CARMIL3: variants seen among roughly 807,000 people sequenced by gnomAD.
The protein encoded by CARMIL3 is capping protein, Arp2/3 and myosin-I linker protein 3.
A neutral mutation model predicts 180.8 loss-of-function variants in CARMIL3; 88 were observed. The ratio of observed to expected loss-of-function variants is 0.49; its 90% confidence interval spans 0.41 to 0.58. CARMIL3 has a LOEUF of 0.58. Ranked by LOEUF, CARMIL3 falls within the 20% of genes least tolerant of loss-of-function variation. The probability of loss-of-function intolerance (pLI) is 0.00; values close to 1 mark genes in which losing one functional copy is unlikely to be tolerated. For missense variants in CARMIL3, 1,548 were observed against 1,787.0 expected (o/e 0.87, Z 2.41); for synonymous variants, 696 against 714.5 (o/e 0.97, Z 0.41).
intron 10 of CARMIL3, 48 bp from the exon 11 acceptor site, chr14:24,056,251 G>A: frequency 6.6e-7 from 1 of 1,503,890 alleles, no homozygotes; most frequent in South Asian, 1.2e-5. Flanking sequence ...CCAGAGGCTG[G>A]GACCTGGGGC....
rs868804115 is a variant in CARMIL3 at position 24,060,246 on chromosome 14, C to T, written c.2052C>T (p.Ser684=). The change falls in exon 24 of 40, where the codon AGC becomes AGT. Residue 684 remains serine (S), a synonymous_variant. Coordinates refer to ENST00000342740, the MANE Select transcript of CARMIL3 (RefSeq NM_138360.4). ...FRLQQGLVTS[S]AEQMLQRLCG... is the part of the protein sequence containing the mutation. ...TGCAGCAGGGCCTGGTGACCAGCAG[C>T]GCCGAGCAAGTAAACGTTTCCCTCT... is the stretch of plus-strand genomic sequence containing the variant. The T allele has an allele frequency of 1.3e-5, 21 of 1,614,006 alleles. No homozygotes were observed. Among genetic ancestry groups the T allele is most frequent in the East Asian group, 4.5e-5 (2 of 44,900 alleles).
intron 1 of CARMIL3, among the ~76,000 whole-genome samples, chr14:24,053,038 G>A (rs2035633983): frequency 1.3e-5 from 2 of 151,756 alleles, no homozygotes; most frequent in African/African-American, 2.4e-5. Context: ...TCTTCACAGA[G>A]ATGGCACCCC....
intron 28 of CARMIL3, 47 bp from the exon 29 acceptor site, chr14:24,062,662 A>T: frequency 6.2e-7 from 1 of 1,611,472 alleles, no homozygotes; most frequent in African/African-American, 1.3e-5. Context: ...AGGCCCTGGG[A>T]GGTGGGCAGC....
At chr14:24,057,113 G>T in intron 13 of CARMIL3, 54 bp from the exon 14 acceptor site, 4 of 1,598,042 alleles carry the variant, frequency 2.5e-6, no homozygotes, top group South Asian at 1.1e-5. Flanking sequence ...GCCTCTGGGG[G>T]TGGCGAGACT....
At chr14:24,069,105 CTG>C (rs1378908613) in intron 38 of CARMIL3, 30 bp from the exon 39 acceptor site, 1 of 1,612,268 alleles carries the variant, frequency 6.2e-7, no homozygotes, top group Admixed American at 1.7e-5. Context: ...AGCCCCACTC[CTG>C]TGTTAGGCCT....
At position 24,065,026 on chromosome 14, in the gene CARMIL3, A is replaced by G. The variant is rs1333265009; in HGVS notation, c.3149A>G (p.Lys1050Arg). The part of the protein sequence containing the change: ...SEAPLPPLQK[K>R]RRRGLFHFRR... ...GCACCGCTGCCTCCACTCCAGAAGA[A>G]GAGGCGCCGGGGCCTGTTTCACTTT... is the stretch of plus-strand genomic sequence containing the variant. Residue 1050 changes from lysine to arginine, a missense_variant, in exon 33 of 40, where the codon AAG (lysine) becomes AGG (arginine). By Grantham distance (26) the Lys-to-Arg change is conservative. Transcript: ENST00000342740. The G allele has an allele frequency of 6.2e-7, 1 of 1,611,622 alleles. No individual in the cohort carries two copies. The highest frequency in any genetic ancestry group is 2.2e-5 in the East Asian group (1 of 44,808).
chr14:24,062,169 AC>A (rs2035739110), intron 27 of CARMIL3: 1 of 473,882 alleles, frequency 2.1e-6, no homozygotes. Context: ...GTTACTCAGC[AC>A]CCCAATTACC....
chr14:24,061,183 C>T lies in CARMIL3; in HGVS notation c.2304+143C>T. 1 of 709,410 alleles carries T rather than the reference C, an allele frequency of 1.4e-6. No individual in the cohort carries two copies. The highest frequency in any genetic ancestry group is 2.7e-5 in the East Asian group (1 of 36,756). 43.9% of individuals were successfully genotyped at this position (709,410 alleles called of 1,614,324 possible). A position where few individuals can be genotyped will look rare whatever the true frequency, so the allele number is the denominator to read the frequency against. ...TGAGACCACCCACGCTCCCACTGTA[C>T]CAAGGCATTGCTGCAATATCAGGCT... On this transcript the variant is annotated intron_variant, in intron 26 of 39. Transcript: ENST00000342740. This position sits in a 1 kb window ranked among gnomAD's most constrained non-coding sequence, Gnocchi z 4.1.
In CARMIL3 at chr14:24,066,415, G is replaced by T. The variant is rs758444916; in HGVS notation, c.3543G>T (p.Gln1181His). The T allele has an allele frequency of 6.2e-7, 1 of 1,614,218 alleles. No individual in the cohort carries two copies. Among genetic ancestry groups the T allele is most frequent in the Non-Finnish European group, 8.5e-7 (1 of 1,180,032 alleles). ...DGKREGPGPD[Q>H]EGSTQAWQKR... The stretch of plus-strand genomic sequence containing the variant: ...TCTTTCAGGGCCCAGGCCCAGACCA[G>T]GAGGGCAGCACCCAGGCCTGGCAGA... Residue 1181 changes from glutamine (Q) to histidine (H), a missense_variant, in exon 35 of 40, where the codon CAG (glutamine) becomes CAT (histidine). Physicochemically the swap from Gln to His is conservative, Grantham distance 24 (BLOSUM62 0). Around this residue, in one of 4 missense-constraint regions of CARMIL3, gnomAD observed 668 missense variants for 687.8 expected, o/e 0.97. Coordinates refer to ENST00000342740, the MANE Select transcript of CARMIL3 (RefSeq NM_138360.4).
chr14:24,055,209 A>G, intron 7 of CARMIL3, 28 bp from the exon 8 acceptor site: 2 of 1,613,978 alleles, frequency 1.2e-6, no homozygotes, highest in Non-Finnish European at 1.7e-6. Context: ...AGTGGGGAGC[A>G]GGTGTGAGCC....
chr14:24,069,498 C>G lies in CARMIL3; in HGVS notation c.*94C>G. ...CAGTCCCCAGGGCCCCCTGCCAGCCCCTGTCCTACAGGGGCAAGACGGCAG... is the reference window on the plus strand; with the variant it reads ...CAGTCCCCAGGGCCCCCTGCCAGCCGCTGTCCTACAGGGGCAAGACGGCAG... On this transcript the variant is annotated 3_prime_UTR_variant, in exon 40 of 40. Transcript: ENST00000342740. The G allele has an allele frequency of 1.3e-6, 2 of 1,546,328 alleles. No individual in the cohort carries two copies.
Position 24,061,173 on chromosome 14 carries a change from TC to T in CARMIL3, c.2304+136del. ...CATGCAGAGTTGAGACCACCCACGC[TC>T]CCACTGTACCAAGGCATTGCTGCAA... On this transcript the variant is annotated intron_variant, in intron 26 of 39. Coordinates refer to ENST00000342740, the MANE Select transcript of CARMIL3 (RefSeq NM_138360.4). The surrounding 1 kb of genome is among the most constrained non-coding windows in gnomAD (Gnocchi z 4.1). The T allele has an allele frequency of 1.3e-6, 1 of 748,788 alleles. No homozygotes were observed. The highest frequency in any genetic ancestry group is 2.2e-6 in the Non-Finnish European group (1 of 456,382). The allele number at this position is 748,788 out of a possible 1,614,324, so 46.4% of individuals were successfully genotyped here. A position where few individuals can be genotyped will look rare whatever the true frequency, so the allele number is the denominator to read the frequency against.
At position 24,057,249 on chromosome 14, in the gene CARMIL3, G is replaced by A; in HGVS notation, c.1140+5G>A. The A allele has an allele frequency of 6.2e-7, 1 of 1,613,474 alleles. No homozygotes were observed. Among genetic ancestry groups the A allele is most frequent in the African/African-American group, 1.3e-5 (1 of 75,022 alleles). ...ACTGACTGCGTCATCGACTTGGTGA[G>A]GAGTTGGTGATGGGAAGCCAGTCTG... On this transcript the variant is annotated splice_donor_5th_base_variant and intron_variant, in intron 14 of 39. Coordinates refer to ENST00000342740, the MANE Select transcript of CARMIL3 (RefSeq NM_138360.4).
At chr14:24,065,841 T>C in intron 34 of CARMIL3, 91 bp downstream of exon 34, 1 of 1,527,048 alleles carries the variant, frequency 6.5e-7, no homozygotes, top group Admixed American at 2.0e-5. Flanking sequence ...GGTGGTTCAG[T>C]AGAGAAAGCA....
Position 24,060,611 on chromosome 14 carries a change from C to A in CARMIL3, c.2062-17C>A, listed in dbSNP as rs1951636. 86 of 1,612,580 alleles carry A rather than the reference C, an allele frequency of 5.3e-5. No homozygotes were observed. Among genetic ancestry groups the A allele is most frequent in the Non-Finnish European group, 6.9e-5 (81 of 1,179,288 alleles). ...GGAAGCAGGGGTCCCCTTGACACCC[C>A]TGCCACTGTGCTCCAGATGCTGCAG... On this transcript the variant is annotated splice_polypyrimidine_tract_variant and intron_variant, in intron 24 of 39. Transcript: ENST00000342740.
Position 24,057,184 on chromosome 14 carries a change from G to A in CARMIL3, c.1080G>A (p.Leu360=). 6.2e-7 allele frequency: 1 copy of A among 1,614,018 alleles called. No homozygotes were observed. Among genetic ancestry groups the A allele is most frequent in the East Asian group, 2.2e-5 (1 of 44,884 alleles). The change falls in exon 14 of 40, where the codon CTG becomes CTA. Residue 360 remains leucine, a synonymous_variant. Transcript: ENST00000342740. ...TDEANALYSF[L]AQPNALVHLD... ...TACTCCAGGCCCTCTACAGTTTCCTGGCCCAACCCAACGCCCTGGTGCACC... is the reference window on the plus strand; with the variant it reads ...TACTCCAGGCCCTCTACAGTTTCCTAGCCCAACCCAACGCCCTGGTGCACC...
chr14:24,054,726 T>G lies in CARMIL3; in HGVS notation c.378T>G (p.Arg126=), dbSNP rs377169521. 3 of 1,613,906 alleles carry G rather than the reference T, an allele frequency of 1.9e-6. No individual in the cohort carries two copies. The Admixed American group carries it at 5.0e-5, about 27-fold the overall frequency. Residue 126 remains arginine, a synonymous_variant, in exon 6 of 40, where the codon CGT becomes CGG. Coordinates refer to ENST00000342740, the MANE Select transcript of CARMIL3 (RefSeq NM_138360.4). The surrounding 1 kb of genome is among the most constrained non-coding windows in gnomAD (Gnocchi z 5.1). The part of the protein sequence containing the change: ...VCPGPGCLIR[R]GNADTPEGPR... ...TCTTTTCCAGGTGTTTGATCCGGCGTGGAAACGCAGACACCCCAGAGGGGC... is the reference window on the plus strand; with the variant it reads ...TCTTTTCCAGGTGTTTGATCCGGCGGGGAAACGCAGACACCCCAGAGGGGC...
chr14:24,053,688 C>G (rs760065287), intron 1 of CARMIL3, 21 bp from the exon 2 acceptor site: 1 of 1,585,882 alleles, frequency 6.3e-7, no homozygotes, highest in Non-Finnish European at 8.6e-7. Context: ...AAGCTCTGAG[C>G]AGGCTCCCAC....
chr14:24,063,667 C>A, intron 31 of CARMIL3, 134 bp downstream of exon 31: 2 of 819,726 alleles, frequency 2.4e-6, no homozygotes, highest in Non-Finnish European at 3.7e-6. Context: ...TGCCAATGAA[C>A]AGATGAGGGA....
Sources: allele counts gnomAD v4.1 joint callset (sites outside exome capture counted in the v4.1 genomes callset), GRCh38; gene constraint gnomAD v4.1.1; regional missense constraint gnomAD v4.1.1; non-coding constraint Gnocchi (gnomAD v3.1); transcripts MANE v1.5; gene names NCBI Gene and HGNC (gene_info 2026-07-23, HGNC 2026-07-21).